AUTS2: variants seen among roughly 807,000 people sequenced by gnomAD.
The protein encoded by AUTS2 is autism susceptibility gene 2 protein.
Under a neutral mutation model 112.4 loss-of-function variants are expected in AUTS2, and 17 were observed. The observed-to-expected ratio is 0.15, with a 90% CI of 0.10 to 0.23. AUTS2 has a LOEUF of 0.23. Ranked by LOEUF, AUTS2 falls within the 10% of genes least tolerant of loss-of-function variation. AUTS2 has a pLI of 1.00. For missense variants in AUTS2, 1,510 were observed against 1,701.6 expected (o/e 0.89, Z 1.98); for synonymous variants, 751 against 702.7 (o/e 1.07, Z -1.09).
chr7:70,058,813 G>T (rs998346060), intron 2 of AUTS2, among the ~76,000 whole-genome samples: 2 of 152,110 alleles, frequency 1.3e-5, no homozygotes, highest in East Asian at 1.9e-4. Context: ...CCCGTTTTAT[G>T]TAGAAGATTT....
At chr7:70,429,730 ATGTAT>A (rs1490612454) in intron 4 of AUTS2, among the ~76,000 whole-genome samples, 1 of 152,192 alleles carries the variant, frequency 6.6e-6, no homozygotes, top group Non-Finnish European at 1.5e-5. Flanking sequence ...AATTTTTTAA[ATGTAT>A]TATATATATT....
At chr7:70,174,276 T>C (rs972138367) in intron 4 of AUTS2, among the ~76,000 whole-genome samples, 1 of 152,212 alleles carries the variant, frequency 6.6e-6, no homozygotes, top group Non-Finnish European at 1.5e-5. Context: ...CAAGGCTCTC[T>C]GTTCAATTCT....
At chr7:69,731,171 A>G (rs1050653324) in intron 1 of AUTS2, among the ~76,000 whole-genome samples, 6 of 152,150 alleles carry the variant, frequency 3.9e-5, no homozygotes, top group African/African-American at 1.4e-4. Context: ...ATGCACCTTA[A>G]GTTCTAGCTA....
rs113456096 is a variant in AUTS2, at chr7:69,598,761, A to C, written c.-893A>C. ...GGTGACCTCTTCTCTGGGACTGGAA[A>C]AAATATTTTTGTGAGGAGGGGGGCG... On this transcript the variant is annotated 5_prime_UTR_variant, in exon 1 of 19. Coordinates refer to ENST00000342771, the MANE Select transcript of AUTS2 (RefSeq NM_015570.4). The C allele has an allele frequency of 1.3e-5, 2 of 153,216 alleles. No homozygotes were observed. The highest frequency in any genetic ancestry group is 2.9e-5 in the Non-Finnish European group (2 of 68,340). 9.5% of individuals were successfully genotyped at this position (153,216 alleles called of 1,614,324 possible). A position where few individuals can be genotyped will look rare whatever the true frequency, so the allele number is the denominator to read the frequency against.
chr7:70,066,113 C>T (rs915042290), intron 2 of AUTS2, among the ~76,000 whole-genome samples: 5 of 152,132 alleles, frequency 3.3e-5, no homozygotes, highest in African/African-American at 1.2e-4. Context: ...AGAAATTAAT[C>T]AGTTTGATAA....
intron 2 of AUTS2, among the ~76,000 whole-genome samples, chr7:70,088,044 T>C (rs1204209322): frequency 6.6e-6 from 1 of 152,130 alleles, no homozygotes; most frequent in Non-Finnish European, 1.5e-5. Context: ...TCTTTTTTTT[T>C]TTTTTCCAGG....
chr7:70,574,075 C>T (rs1051497838), intron 5 of AUTS2, among the ~76,000 whole-genome samples: 3 of 152,084 alleles, frequency 2.0e-5, no homozygotes, highest in African/African-American at 4.8e-5. Context: ...AAATGTGCCT[C>T]AGCAACAGGC....
intron 5 of AUTS2, among the ~76,000 whole-genome samples, chr7:70,632,896 C>G (rs1430524917): frequency 6.6e-6 from 1 of 152,098 alleles, no homozygotes; most frequent in Non-Finnish European, 1.5e-5. Context: ...ACAGGCTGGA[C>G]CTTTAAGGTT....
At chr7:69,714,642 G>C (rs1342824484) in intron 1 of AUTS2, among the ~76,000 whole-genome samples, 1 of 152,056 alleles carries the variant, frequency 6.6e-6, no homozygotes, top group African/African-American at 2.4e-5. Flanking sequence ...AACAGTGTGA[G>C]ACTTTCAACT....
chr7:69,744,959 A>G (rs1787426588), intron 1 of AUTS2, among the ~76,000 whole-genome samples: 1 of 152,198 alleles, frequency 6.6e-6, no homozygotes, highest in East Asian at 1.9e-4. Flanking sequence ...AGTGCTTCTC[A>G]AGGAATGTCT....
chr7:70,567,736 C>A (rs533627276), intron 5 of AUTS2, among the ~76,000 whole-genome samples: 3 of 152,282 alleles, frequency 2.0e-5, no homozygotes, highest in South Asian at 4.1e-4. Flanking sequence ...TTCATCAACT[C>A]ATTTTCGTTC....
chr7:70,726,785 C>T (rs1475921013), intron 6 of AUTS2, among the ~76,000 whole-genome samples: 1 of 152,148 alleles, frequency 6.6e-6, no homozygotes, highest in Non-Finnish European at 1.5e-5. Context: ...CTTCTGGAAC[C>T]CTAGTGACCT....
At chr7:70,444,548 G>T (rs1388737226) in intron 5 of AUTS2, among the ~76,000 whole-genome samples, 1 of 152,094 alleles carries the variant, frequency 6.6e-6, no homozygotes, top group Non-Finnish European at 1.5e-5. Flanking sequence ...GAAGTCCCCA[G>T]ATTCAACAAA....
intron 2 of AUTS2, among the ~76,000 whole-genome samples, chr7:70,112,147 A>C (rs1313439929): frequency 6.6e-6 from 1 of 151,820 alleles, no homozygotes; most frequent in African/African-American, 2.4e-5. Flanking sequence ...AGATTTTACA[A>C]CATAAGTTTT....
intron 4 of AUTS2, among the ~76,000 whole-genome samples, chr7:70,218,680 C>T (rs748992097): frequency 1.3e-5 from 2 of 152,158 alleles, no homozygotes; most frequent in East Asian, 1.9e-4. Flanking sequence ...ACAAAGTGTG[C>T]GATAATGCTA....
intron 2 of AUTS2, among the ~76,000 whole-genome samples, chr7:70,117,206 T>C (rs553557270): frequency 2.7e-5 from 4 of 150,078 alleles, no homozygotes; most frequent in Admixed American, 6.7e-5. Flanking sequence ...CTTAATACAT[T>C]ATTTGTTGAA....
chr7:70,700,784 C>T lies in AUTS2; in HGVS notation c.742+2164C>T, dbSNP rs567541538. ...TGTGGTTTTGGGTCTGTTTTTACTC[C>T]GGGTAGTGGCAGTGTTTACAGGATG... On this transcript the variant is annotated intron_variant, in intron 6 of 18. Transcript: ENST00000342771. Among the ~76,000 whole-genome samples the T allele has an allele frequency of 8.0e-4, 122 of 152,230 alleles. 1 individual carries two copies. The highest frequency in any genetic ancestry group is 5.7e-4 in the Non-Finnish European group (39 of 68,026).
intron 4 of AUTS2, among the ~76,000 whole-genome samples, chr7:70,139,456 A>G (rs1263060710): frequency 6.6e-6 from 1 of 152,208 alleles, no homozygotes; most frequent in Non-Finnish European, 1.5e-5. Context: ...GAAACAAAAG[A>G]CGTCATTCTA....
At chr7:70,269,263 C>G (rs1787573490) in intron 4 of AUTS2, among the ~76,000 whole-genome samples, 1 of 152,176 alleles carries the variant, frequency 6.6e-6, no homozygotes, top group South Asian at 2.1e-4. Context: ...AGGAATAGTC[C>G]TACTTTTTGC....
Sources: allele counts gnomAD v4.1 joint callset (sites outside exome capture counted in the v4.1 genomes callset), GRCh38; gene constraint gnomAD v4.1.1; transcripts MANE v1.5; gene names NCBI Gene and HGNC (gene_info 2026-07-23, HGNC 2026-07-21).